Variants in RIMS2 observed in about 807,000 individuals in gnomAD.
The protein encoded by RIMS2 is regulating synaptic membrane exocytosis protein 2.
Under a neutral mutation model 174.4 loss-of-function variants are expected in RIMS2, and 59 were observed. That is an observed-to-expected ratio of 0.34 (90% CI 0.27 to 0.42). The LOEUF is 0.42. RIMS2 is among the 10% of genes least tolerant of loss of function. RIMS2 has a pLI of 1.00. For missense variants in RIMS2, 1,620 were observed against 1,666.3 expected, an observed-to-expected ratio of 0.97 and a Z score of 0.48; for synonymous variants, 606 against 572.5, an observed-to-expected ratio of 1.06 and a Z score of -0.84.
intron 19 of RIMS2, among the ~76,000 whole-genome samples, chr8:104,190,163 G>A (rs1380237645): frequency 2.0e-5 from 3 of 152,028 alleles, no homozygotes; most frequent in African/African-American, 7.2e-5. Context: ...TTAGCTGGAT[G>A]TGGTGGTACA....
chr8:103,525,319 T>C lies in RIMS2; in HGVS notation c.176+24257T>C, dbSNP rs75783047. 3.4e-3 allele frequency among the ~76,000 whole-genome samples: 518 copies of C among 152,254 alleles called. 10 individuals are homozygous for C. In the East Asian group the frequency reaches 0.048, roughly 14 times the overall value. ...CCTGTTAACTTAAACAGAAAATAAT[T>C]TATTGTAAGCCCTAAGGAATAGCTC... On this transcript the variant is annotated intron_variant, in intron 1 of 23. Coordinates refer to ENST00000504942, the Ensembl canonical transcript of RIMS2.
chr8:103,512,698 A>G (rs1343934697), intron 1 of RIMS2, among the ~76,000 whole-genome samples: 1 of 152,126 alleles, frequency 6.6e-6, no homozygotes, highest in Non-Finnish European at 1.5e-5. Flanking sequence ...TTTGTTGAAA[A>G]ATATAACTAT....
intron 1 of RIMS2, among the ~76,000 whole-genome samples, chr8:103,660,096 C>T (rs930901759): frequency 6.6e-6 from 1 of 152,198 alleles, no homozygotes; most frequent in Admixed American, 6.5e-5. Context: ...TGCCTGCTGC[C>T]GTGTCCTCAG....
intron 1 of RIMS2, among the ~76,000 whole-genome samples, chr8:103,551,247 C>CA (rs756068899): frequency 6.6e-6 from 1 of 152,160 alleles, no homozygotes; most frequent in Admixed American, 6.5e-5. Flanking sequence ...AAAGCTTATC[C>CA]ACCACGATCA....
chr8:104,208,166 T>C (rs1302106435), intron 19 of RIMS2, among the ~76,000 whole-genome samples: 1 of 152,144 alleles, frequency 6.6e-6, no homozygotes, highest in Non-Finnish European at 1.5e-5. Context: ...TGGCCAGAGA[T>C]ATAGTACATT....
intron 17 of RIMS2, among the ~76,000 whole-genome samples, chr8:104,002,537 G>A (rs1427691941): frequency 1.3e-5 from 2 of 152,146 alleles, no homozygotes; most frequent in Non-Finnish European, 2.9e-5. Context: ...AAAGAAAGTA[G>A]CATCAGTATC....
chr8:103,960,212 T>C (rs2089479579), intron 14 of RIMS2, among the ~76,000 whole-genome samples: 1 of 152,204 alleles, frequency 6.6e-6, no homozygotes, highest in Non-Finnish European at 1.5e-5. Context: ...TTATATGCAA[T>C]AATTTCATAT....
At chr8:103,587,811 G>A (rs1286759038) in intron 1 of RIMS2, among the ~76,000 whole-genome samples, 1 of 151,996 alleles carries the variant, frequency 6.6e-6, no homozygotes, top group Non-Finnish European at 1.5e-5. Flanking sequence ...TACTGAATGA[G>A]GAACAACTGA....
chr8:104,061,976 C>A (rs1389388292), intron 19 of RIMS2, among the ~76,000 whole-genome samples: 1 of 151,828 alleles, frequency 6.6e-6, no homozygotes, highest in Non-Finnish European at 1.5e-5. Flanking sequence ...TAAATATGTT[C>A]AAATGTGGTC....
intron 2 of RIMS2, among the ~76,000 whole-genome samples, chr8:103,723,192 C>T (rs746109015): frequency 3.3e-5 from 5 of 152,208 alleles, no homozygotes; most frequent in Non-Finnish European, 5.9e-5. Context: ...TCCTTACCCT[C>T]ACTATCTGCC....
intron 3 of RIMS2, among the ~76,000 whole-genome samples, chr8:103,794,303 G>T (rs1295658438): frequency 6.6e-6 from 1 of 152,054 alleles, no homozygotes; most frequent in Admixed American, 6.6e-5. Flanking sequence ...TCTGATCTTT[G>T]ACAAACGGAA....
chr8:103,850,633 G>A (rs754412948), intron 3 of RIMS2, among the ~76,000 whole-genome samples: 22 of 151,924 alleles, frequency 1.4e-4, no homozygotes, highest in African/African-American at 1.9e-4. Context: ...ATCTTTTGTG[G>A]CCACCTATTC....
intron 19 of RIMS2, among the ~76,000 whole-genome samples, chr8:104,172,803 A>G (rs541327140): frequency 2.0e-5 from 3 of 152,248 alleles, no homozygotes; most frequent in Non-Finnish European, 4.4e-5. Flanking sequence ...ATTCCCAAAC[A>G]TCTTCTTGGA....
intron 19 of RIMS2, among the ~76,000 whole-genome samples, chr8:104,235,530 GT>G (rs1194045149): frequency 6.6e-6 from 1 of 152,036 alleles, no homozygotes; most frequent in African/African-American, 2.4e-5. Flanking sequence ...GAGTAGTTGA[GT>G]TTTTTCCCAA....
In RIMS2 at chr8:104,183,942, T is replaced by G. The variant is rs116219145; in HGVS notation, c.3335-60974T>G. ...ATTTTGGTAAAACTTCCTATAACACTTAATAGCAGCTTTAGATTATGGAGG... is the reference window on the plus strand; with the variant it reads ...ATTTTGGTAAAACTTCCTATAACACGTAATAGCAGCTTTAGATTATGGAGG... On this transcript the variant is annotated intron_variant, in intron 19 of 23. Coordinates refer to ENST00000504942, the Ensembl canonical transcript of RIMS2. 6.1e-3 allele frequency among the ~76,000 whole-genome samples: 925 copies of G among 151,760 alleles called. 11 individuals carry two copies. Among genetic ancestry groups the G allele is most frequent in the African/African-American group, 0.021 (869 of 41,484 alleles).
intron 19 of RIMS2, among the ~76,000 whole-genome samples, chr8:104,016,099 T>C (rs2095895973): frequency 6.6e-6 from 1 of 152,088 alleles, no homozygotes; most frequent in Admixed American, 6.6e-5. Flanking sequence ...CAAAATCCTC[T>C]ACCAGTTATG....
chr8:103,877,934 G>C (rs1433914272), intron 3 of RIMS2, among the ~76,000 whole-genome samples: 1 of 150,022 alleles, frequency 6.7e-6, no homozygotes, highest in Non-Finnish European at 1.5e-5. Flanking sequence ...AGTTCTACTT[G>C]TAGAGATCTT....
At chr8:103,594,288 A>G (rs1249111248) in intron 1 of RIMS2, among the ~76,000 whole-genome samples, 1 of 151,422 alleles carries the variant, frequency 6.6e-6, no homozygotes, top group Non-Finnish European at 1.5e-5. Flanking sequence ...TAATTTTGCT[A>G]TTTAAAATAG....
At chr8:103,601,453 G>C (rs1289122379) in intron 1 of RIMS2, among the ~76,000 whole-genome samples, 2 of 151,914 alleles carry the variant, frequency 1.3e-5, no homozygotes, top group African/African-American at 4.8e-5. Flanking sequence ...TTTTTATCTT[G>C]AAATCTATTT....
Sources: gnomAD v4.1 joint callset for allele counts (sites outside exome capture counted in the v4.1 genomes callset) on GRCh38, gnomAD v4.1.1 for gene constraint, MANE v1.5 for transcripts, NCBI Gene and HGNC (gene_info 2026-07-23, HGNC 2026-07-21) for gene names.